LRP1B: variants seen among roughly 807,000 people sequenced by gnomAD.
LRP1B encodes the protein LDL receptor related protein 1B, also known as low-density lipoprotein receptor-related protein 1B.
In LRP1B, 217 loss-of-function variants were observed where a neutral mutation model predicts 556.6. The observed-to-expected ratio is 0.39, with a 90% confidence interval of 0.35 to 0.44. The LOEUF (loss-of-function observed/expected upper bound fraction) is 0.44. LRP1B is among the 20% of genes least tolerant of loss of function. The pLI, the probability that LRP1B is intolerant of heterozygous loss-of-function variation, is 1.00. For missense variants in LRP1B, 5,053 were observed against 5,620.8 expected (o/e 0.90, Z 3.23); for synonymous variants, 2,047 against 1,865.8 (o/e 1.10, Z -2.50).
rs757311997 is a variant in LRP1B, at chr2:140,297,967, T to C, written c.12808A>G (p.Arg4270Gly). The stretch of plus-strand genomic sequence containing the variant: ...CCCAGTGCACAGCTGCAGGTGGGTC[T>C]CCCTATTGGAAACAATAAGTAATAA... ...GGTCVPSVLG[R>G]PTCSCALGFT... The change falls in exon 84 of 91, where the codon AGA (arginine) becomes GGA (glycine). Residue 4270 changes from arginine to glycine, a missense_variant and splice_region_variant. Physicochemically the swap from Arg to Gly is moderately radical, Grantham distance 125. Around this residue, in one of 5 missense-constraint regions of LRP1B, gnomAD observed 551 missense variants for 592.0 expected, o/e 0.93. Transcript: ENST00000389484. 7 of 1,593,726 alleles carry C rather than the reference T, an allele frequency of 4.4e-6. No homozygotes were observed. In the South Asian group the frequency reaches 7.9e-5, roughly 18 times the overall value.
chr2:141,474,115 T>G (rs986366509), intron 3 of LRP1B, among the ~76,000 whole-genome samples: 1 of 122,804 alleles, frequency 8.1e-6, no homozygotes. Context: ...TCCTTTCCTC[T>G]CTCCCTTCCT....
intron 31 of LRP1B, among the ~76,000 whole-genome samples, chr2:140,837,694 A>G (rs952217021): frequency 9.9e-5 from 15 of 152,070 alleles, no homozygotes; most frequent in Non-Finnish European, 1.9e-4. Context: ...CCAAGGACAA[A>G]AAACCAAACA....
chr2:141,446,917 T>A (rs1681215067), intron 3 of LRP1B, among the ~76,000 whole-genome samples: 1 of 152,144 alleles, frequency 6.6e-6, no homozygotes, highest in Non-Finnish European at 1.5e-5. Flanking sequence ...AAGGAGTCTC[T>A]TTGTGGTGTT....
At chr2:142,129,822 C>G (rs1707785394) in intron 1 of LRP1B, among the ~76,000 whole-genome samples, 1 of 152,132 alleles carries the variant, frequency 6.6e-6, no homozygotes. Flanking sequence ...TTATTAAACT[C>G]GCACAGGGAT....
intron 66 of LRP1B, among the ~76,000 whole-genome samples, chr2:140,394,036 A>T (rs17478072): frequency 0.014 from 2,203 of 151,986 alleles, 34 homozygotes; most frequent in Middle Eastern, 0.024. Flanking sequence ...TCCTTGACTG[A>T]TTACAAGTTC....
chr2:140,376,324 G>C (rs1189524115), intron 68 of LRP1B, among the ~76,000 whole-genome samples: 3 of 152,084 alleles, frequency 2.0e-5, no homozygotes, highest in Non-Finnish European at 4.4e-5. Flanking sequence ...TGCATATCTT[G>C]TGAATATGAT....
chr2:141,806,882 T>G (rs1025202174), intron 2 of LRP1B, among the ~76,000 whole-genome samples: 5 of 152,116 alleles, frequency 3.3e-5, no homozygotes, highest in Non-Finnish European at 7.4e-5. Context: ...ATAAATTCTA[T>G]GCTAGAGTGG....
At chr2:140,936,813 T>A (rs930933833) in intron 20 of LRP1B, among the ~76,000 whole-genome samples, 1 of 152,130 alleles carries the variant, frequency 6.6e-6, no homozygotes, top group African/African-American at 2.4e-5. Flanking sequence ...TTTAAAAAAA[T>A]TATTAGTTTA....
chr2:141,029,730 C>T (rs187922093), intron 11 of LRP1B, among the ~76,000 whole-genome samples: 265 of 152,218 alleles, frequency 1.7e-3, no homozygotes, highest in African/African-American at 5.8e-3. Context: ...GAGCAATAAA[C>T]TTCCTAAGTC....
At chr2:141,691,809 G>A (rs964222494) in intron 2 of LRP1B, among the ~76,000 whole-genome samples, 1 of 151,684 alleles carries the variant, frequency 6.6e-6, no homozygotes, top group Admixed American at 6.6e-5. Flanking sequence ...CAACCTAAAC[G>A]TCTTCTGCAC....
At chr2:140,913,763 T>A (rs891028685) in intron 21 of LRP1B, among the ~76,000 whole-genome samples, 1 of 152,058 alleles carries the variant, frequency 6.6e-6, no homozygotes, top group Admixed American at 6.6e-5. Flanking sequence ...ATGCTAAGCA[T>A]TACCTTGTTT....
chr2:140,986,053 A>G (rs1040871801), intron 17 of LRP1B, among the ~76,000 whole-genome samples: 1 of 151,322 alleles, frequency 6.6e-6, no homozygotes, highest in African/African-American at 2.4e-5. Context: ...CACTATATAA[A>G]ATTATTTTAT....
In LRP1B at chr2:141,231,764, G is replaced by A. The variant is rs148369699; in HGVS notation, c.593-2324C>T. ...CTGCCATAAACCTCTCCTCCCCCAG[G>A]AAATTCTCTCAAGTCATAGGATTCC... On this transcript the variant is annotated intron_variant, in intron 5 of 90. Coordinates refer to ENST00000389484, the MANE Select transcript of LRP1B (RefSeq NM_018557.3). 6.7e-3 allele frequency among the ~76,000 whole-genome samples: 1,020 copies of A among 152,068 alleles called. 3 individuals carry two copies. Among genetic ancestry groups the A allele is most frequent in the Admixed American group, 9.1e-3 (139 of 15,266 alleles).
chr2:141,005,276 G>C (rs2105373383), intron 15 of LRP1B, 59 bp downstream of exon 15: 1 of 1,565,026 alleles, frequency 6.4e-7, no homozygotes, highest in Admixed American at 1.8e-5. Flanking sequence ...AGTTTCTTCT[G>C]CTTCTAGTCT....
intron 63 of LRP1B, among the ~76,000 whole-genome samples, chr2:140,447,400 T>A (rs1475881096): frequency 6.6e-6 from 1 of 152,136 alleles, no homozygotes; most frequent in Non-Finnish European, 1.5e-5. Flanking sequence ...CATACTTTTT[T>A]TTTTGGTTTC....
At chr2:140,742,015 C>A (rs1434225067) in intron 35 of LRP1B, among the ~76,000 whole-genome samples, 4 of 152,164 alleles carry the variant, frequency 2.6e-5, no homozygotes, top group Non-Finnish European at 4.4e-5. Flanking sequence ...CCGTTCATGG[C>A]TTTCAGCTTT....
chr2:140,524,884 C>T (rs1690364365), intron 49 of LRP1B, among the ~76,000 whole-genome samples: 1 of 151,818 alleles, frequency 6.6e-6, no homozygotes, highest in Non-Finnish European at 1.5e-5. Flanking sequence ...AAGCCCAAAC[C>T]TCAGCATCAT....
chr2:141,849,580 T>C (rs560468683), intron 1 of LRP1B, among the ~76,000 whole-genome samples: 16 of 151,756 alleles, frequency 1.1e-4, no homozygotes, highest in African/African-American at 3.9e-4. Context: ...TTCTTGACAA[T>C]ATGAGACATG....
intron 2 of LRP1B, among the ~76,000 whole-genome samples, chr2:141,591,376 T>TC (rs1188218991): frequency 2.8e-5 from 4 of 141,068 alleles, no homozygotes; most frequent in Admixed American, 7.2e-5. Flanking sequence ...TTTTTTTTTT[T>TC]CCCAGGCCTC....
Sources: allele counts gnomAD v4.1 joint callset (sites outside exome capture counted in the v4.1 genomes callset), GRCh38; gene constraint gnomAD v4.1.1; regional missense constraint gnomAD v4.1.1; transcripts MANE v1.5; gene names NCBI Gene and HGNC (gene_info 2026-07-23, HGNC 2026-07-21).